NAA25: variants seen among roughly 807,000 people sequenced by gnomAD.
NAA25 encodes the protein N-alpha-acetyltransferase 25, NatB auxiliary subunit, also known as N-terminal acetyltransferase B complex subunit NAA25.
A neutral mutation model predicts 132.5 loss-of-function variants in NAA25; 30 were observed. The ratio of observed to expected loss-of-function variants is 0.23; its 90% confidence interval spans 0.17 to 0.31. The LOEUF (loss-of-function observed/expected upper bound fraction) is 0.31, where lower values mean the gene tolerates loss of function less well. Ranked by LOEUF, NAA25 falls within the 10% of genes least tolerant of loss-of-function variation. The probability of loss-of-function intolerance (pLI) is 1.00; values close to 1 mark genes in which losing one functional copy is unlikely to be tolerated. For synonymous variants in NAA25, 359 were observed against 401.9 expected, an observed-to-expected ratio of 0.89 and a Z score of 1.28; for missense variants, 771 against 1,150.4, an observed-to-expected ratio of 0.67 and a Z score of 4.77.
In NAA25 at chr12:112,029,224, C is replaced by T. The variant is rs529051677; in HGVS notation, c.*307G>A. 2.4e-4 allele frequency: 73 copies of T among 305,608 alleles called. No individual in the cohort carries two copies. In the South Asian group the frequency reaches 3.4e-3, roughly 14 times the overall value. 18.9% of individuals were successfully genotyped at this position (305,608 alleles called of 1,614,324 possible). ...TCTATTGCTGTTTTTATAGACCCCC[C>T]GCTCCCCTGAAAAGATGTTTCTGGT... On this transcript the variant is annotated 3_prime_UTR_variant, in exon 24 of 24. Coordinates refer to ENST00000261745, the MANE Select transcript of NAA25 (RefSeq NM_024953.4).
In NAA25 at chr12:112,049,632, C is replaced by T. The variant is rs772454514; in HGVS notation, c.1729-1189G>A. Reference sequence around the variant, plus strand: ...AGTATCTGGAGAAATTAAAGACGGACGGACACAAGAAAATTAAAAAGATTA... The same window carrying T: ...AGTATCTGGAGAAATTAAAGACGGATGGACACAAGAAAATTAAAAAGATTA... On this transcript the variant is annotated intron_variant, in intron 15 of 23. Transcript: ENST00000261745. This position sits in a 1 kb window ranked among gnomAD's most constrained non-coding sequence, Gnocchi z 4.7. 2.8e-5 allele frequency: 28 copies of T among 985,602 alleles called. No individual in the cohort carries two copies. The highest frequency in any genetic ancestry group is 2.9e-5 in the Non-Finnish European group (24 of 829,922). 61.1% of individuals were successfully genotyped at this position (985,602 alleles called of 1,614,324 possible).
Position 112,033,392 on chromosome 12 carries a change from T to C in NAA25, c.2650-13A>G, listed in dbSNP as rs2078176621. On this transcript the variant is annotated splice_polypyrimidine_tract_variant and intron_variant, in intron 22 of 23. Coordinates refer to ENST00000261745, the MANE Select transcript of NAA25 (RefSeq NM_024953.4). ...TAAAGACAGGTGGCTGGGAAAAAGA[T>C]TAAAAAAGAGTTGAAACATTATCAA... is the stretch of plus-strand genomic sequence containing the variant. The C allele has an allele frequency of 6.3e-7, 1 of 1,590,776 alleles. No homozygotes were observed. The highest frequency in any genetic ancestry group is 8.5e-7 in the Non-Finnish European group (1 of 1,172,732).
chr12:112,051,489 G>A (rs1239834324), intron 15 of NAA25, among the ~76,000 whole-genome samples: 6 of 152,150 alleles, frequency 3.9e-5, no homozygotes, highest in Non-Finnish European at 5.9e-5. Flanking sequence ...GATTACAAGC[G>A]TGAGCCACTG....
intron 4 of NAA25, among the ~76,000 whole-genome samples, chr12:112,086,073 T>TATATATATATATATAC (rs759148501): frequency 1.7e-3 from 91 of 53,966 alleles, no homozygotes; most frequent in African/African-American, 5.1e-3. Flanking sequence ...TATATATATA[T>TATATATATATATATAC]ACACACACAC....
chr12:112,075,722 C>T lies in NAA25; in HGVS notation c.732G>A (p.Arg244=), dbSNP rs1566021248. 2 of 1,614,030 alleles carry T rather than the reference C, an allele frequency of 1.2e-6. No homozygotes were observed. Among genetic ancestry groups the T allele is most frequent in the Admixed American group, 1.7e-5 (1 of 60,004 alleles). The stretch of plus-strand genomic sequence containing the variant: ...GGGAAAGGGCATTGCACTCTGGCCA[C>T]CTGCTCAGCTTCTTGTACATAGCCA... The part of the protein sequence containing the change: ...KCMAMYKKLS[R]WPECNALSRR... The change falls in exon 8 of 24, where the codon AGG becomes AGA. Residue 244 remains arginine, a synonymous_variant. Transcript: ENST00000261745.
At chr12:112,086,075 C>T (rs11066155) in intron 4 of NAA25, among the ~76,000 whole-genome samples, 1,237 of 49,732 alleles carry the variant, frequency 0.025, 28 homozygotes, top group African/African-American at 0.072. Context: ...TATATATATA[C>T]ACACACACAC....
At chr12:112,100,035 C>CA (rs893113287) in intron 1 of NAA25, among the ~76,000 whole-genome samples, 6 of 152,192 alleles carry the variant, frequency 3.9e-5, no homozygotes. Context: ...ACCATGAATA[C>CA]AAATTACAGA....
intron 4 of NAA25, among the ~76,000 whole-genome samples, chr12:112,081,374 T>G (rs1218080270): frequency 2.0e-5 from 3 of 152,210 alleles, no homozygotes. Context: ...GTCCAACATT[T>G]CCAGAATATG....
chr12:112,043,104 C>T lies in NAA25; in HGVS notation c.2358G>A (p.Leu786=), dbSNP rs1252819968. Residue 786 remains leucine (L), a synonymous_variant, in exon 19 of 24, where the codon CTG becomes CTA. Transcript: ENST00000261745. ...TACACTTACCTAAACCACTGGTATC[C>T]AGCTCATAAATATCATTGACAAGAT... is the stretch of plus-strand genomic sequence containing the variant. The part of the protein sequence containing the change: ...SFYLVNDIYE[L]DTSGLEDTME... The T allele has an allele frequency of 2.5e-6, 4 of 1,611,440 alleles. No individual in the cohort carries two copies. The highest frequency in any genetic ancestry group is 3.4e-6 in the Non-Finnish European group (4 of 1,178,808).
At chr12:112,041,938 C>T (rs1446657102) in intron 20 of NAA25, 101 bp downstream of exon 20, 2 of 661,620 alleles carry the variant, frequency 3.0e-6, no homozygotes, top group Non-Finnish European at 5.0e-6. Flanking sequence ...AAACTACTTA[C>T]TTATCTCTGG....
chr12:112,030,147 A>AG (rs2078129825), intron 23 of NAA25, among the ~76,000 whole-genome samples: 1 of 131,296 alleles, frequency 7.6e-6, no homozygotes, highest in South Asian at 2.6e-4. Flanking sequence ...CTAGAGGTAG[A>AG]GGTAGTAGTG....
Position 112,049,733 on chromosome 12 carries a change from T to A in NAA25, c.1729-1290A>T. 1.5e-6 allele frequency: 1 copy of A among 653,110 alleles called. No homozygotes were observed. The highest frequency in any genetic ancestry group is 1.9e-6 in the Non-Finnish European group (1 of 526,606). 40.5% of individuals were successfully genotyped at this position (653,110 alleles called of 1,614,324 possible). ...ACCTTCTAGCTTGATTAAAGGACAG[T>A]GATACACCCTATCAAGAGGAGGCCA... On this transcript the variant is annotated intron_variant, in intron 15 of 23. Coordinates refer to ENST00000261745, the MANE Select transcript of NAA25 (RefSeq NM_024953.4). This position sits in a 1 kb window ranked among gnomAD's most constrained non-coding sequence, Gnocchi z 4.7.
chr12:112,097,925 C>A (rs1415455959), intron 1 of NAA25, among the ~76,000 whole-genome samples: 2 of 151,852 alleles, frequency 1.3e-5, no homozygotes, highest in Admixed American at 6.6e-5. Context: ...CAAGACCAGC[C>A]TGGCCAACAC....
rs1227109004 is a variant in NAA25, at chr12:112,082,094, T to TA, written c.403-961dup. 4.6e-5 allele frequency among the ~76,000 whole-genome samples: 7 copies of TA among 151,960 alleles called. No individual in the cohort carries two copies. The South Asian group carries it at 6.2e-4, about 14-fold the overall frequency. ...GGAGAAACCCCATCTCTACTAAAAATACAAAAATTAGCTGGGCGTGGCAGC... is the reference window on the plus strand; with the variant it reads ...GGAGAAACCCCATCTCTACTAAAAATAACAAAAATTAGCTGGGCGTGGCAGC... On this transcript the variant is annotated intron_variant, in intron 4 of 23. Coordinates refer to ENST00000261745, the MANE Select transcript of NAA25 (RefSeq NM_024953.4).
chr12:112,094,916 T>G (rs1387474567), intron 1 of NAA25, among the ~76,000 whole-genome samples: 1 of 151,938 alleles, frequency 6.6e-6, no homozygotes, highest in Non-Finnish European at 1.5e-5. Context: ...CGCCTCAGCC[T>G]CCCAAAGTGA....
At chr12:112,101,926 G>A (rs2079302140) in intron 1 of NAA25, among the ~76,000 whole-genome samples, 1 of 150,480 alleles carries the variant, frequency 6.6e-6, no homozygotes, top group African/African-American at 2.5e-5. Context: ...CAGTACAGTG[G>A]TGCAATCCCG....
rs538643807 is a variant in NAA25 at position 112,091,874 on chromosome 12, A to G, written c.145-1010T>C. On this transcript the variant is annotated intron_variant, in intron 2 of 23. Coordinates refer to ENST00000261745, the MANE Select transcript of NAA25 (RefSeq NM_024953.4). ...CCTTGTCTCAAAAAAAGAAGTGCAC[A>G]ATATTGCTTAAAAGGATTCTGTGAA... Among the ~76,000 whole-genome samples, 9 of 152,352 alleles carry G rather than the reference A, an allele frequency of 5.9e-5. No individual in the cohort carries two copies. The South Asian group carries it at 1.9e-3, about 32-fold the overall frequency.
chr12:112,048,589 G>T, intron 15 of NAA25, 146 bp from the exon 16 acceptor site: 1 of 650,386 alleles, frequency 1.5e-6, no homozygotes, highest in Non-Finnish European at 2.6e-6. Flanking sequence ...TAGAATATTA[G>T]CTTTTTAAAA....
At chr12:112,039,004 A>G (rs1336723976) in intron 22 of NAA25, among the ~76,000 whole-genome samples, 1 of 152,116 alleles carries the variant, frequency 6.6e-6, no homozygotes, top group African/African-American at 2.4e-5. Flanking sequence ...AAAACAAAAA[A>G]AACACTAACA....
Sources: gnomAD v4.1 joint callset for allele counts (sites outside exome capture counted in the v4.1 genomes callset) on GRCh38, gnomAD v4.1.1 for gene constraint, Gnocchi (gnomAD v3.1) non-coding constraint, MANE v1.5 for transcripts, NCBI Gene and HGNC (gene_info 2026-07-23, HGNC 2026-07-21) for gene names.